The following ADK variants were observed in gnomAD, a reference collection of about 807,000 sequenced individuals.
The protein encoded by ADK is N6,N6-dimethyladenosine kinase.
A neutral mutation model predicts 44.7 loss-of-function variants in ADK; 24 were observed. The ratio of observed to expected loss-of-function variants is 0.54; its 90% CI spans 0.39 to 0.76. The LOEUF (loss-of-function observed/expected upper bound fraction) is 0.76, where lower values mean the gene tolerates loss of function less well. Ranked by LOEUF, ADK falls within the 30% of genes least tolerant of loss-of-function variation. The probability of loss-of-function intolerance (pLI) is 0.00; values close to 1 mark genes in which losing one functional copy is unlikely to be tolerated. For missense variants in ADK, 321 were observed against 425.1 expected, an observed-to-expected ratio of 0.76 and a Z score of 2.15; for synonymous variants, 128 against 142.6, an observed-to-expected ratio of 0.90 and a Z score of 0.73.
At chr10:74,308,428 G>T (rs1307621754) in intron 3 of ADK, among the ~76,000 whole-genome samples, 1 of 152,064 alleles carries the variant, frequency 6.6e-6, no homozygotes, top group Non-Finnish European at 1.5e-5. Context: ...TGTTATTTTG[G>T]CTTTTAGCAA....
At chr10:74,578,324 TTAATA>T (rs1281920647) in intron 7 of ADK, among the ~76,000 whole-genome samples, 2 of 152,220 alleles carry the variant, frequency 1.3e-5, no homozygotes, top group Non-Finnish European at 2.9e-5. Flanking sequence ...TGCCTTTTTA[TTAATA>T]TAAGTTATTT....
intron 3 of ADK, among the ~76,000 whole-genome samples, chr10:74,228,501 A>AT (rs1165400254): frequency 6.6e-6 from 1 of 152,118 alleles, no homozygotes; most frequent in East Asian, 1.9e-4. Context: ...TTTACTAAGT[A>AT]TTTTTTCACC....
At chr10:74,226,594 C>G (rs1564605268) in intron 3 of ADK, among the ~76,000 whole-genome samples, 5 of 151,618 alleles carry the variant, frequency 3.3e-5, no homozygotes, top group Admixed American at 2.6e-4. Context: ...ATGCTTCTCT[C>G]TAAATATTTC....
chr10:74,412,081 C>T (rs1438835885), intron 6 of ADK, among the ~76,000 whole-genome samples: 1 of 152,180 alleles, frequency 6.6e-6, no homozygotes, highest in Admixed American at 6.5e-5. Flanking sequence ...TTGACTTCTT[C>T]CACTGAAGTC....
chr10:74,366,614 A>G (rs1290891073), intron 4 of ADK, among the ~76,000 whole-genome samples: 1 of 152,298 alleles, frequency 6.6e-6, no homozygotes, highest in East Asian at 1.9e-4. Flanking sequence ...GAACCAAAAA[A>G]AAATTATAAA....
chr10:74,356,180 G>A (rs534696287), intron 4 of ADK, among the ~76,000 whole-genome samples: 1 of 149,690 alleles, frequency 6.7e-6, no homozygotes, highest in Non-Finnish European at 1.5e-5. Context: ...CACCGCGCCC[G>A]GCTAATTTTT....
intron 6 of ADK, among the ~76,000 whole-genome samples, chr10:74,465,882 T>G (rs1846336557): frequency 6.6e-6 from 1 of 151,974 alleles, no homozygotes; most frequent in Non-Finnish European, 1.5e-5. Context: ...AATTTAATAA[T>G]TTTTTTGTCT....
Position 74,200,826 on chromosome 10 carries a change from ATTTCCT to A in ADK, c.130_135del (p.Phe44_Leu45del). On this transcript the variant is annotated inframe_deletion, in exon 2 of 11. Transcript: ENST00000539909. ...GACATCTCTGCTGTAGTGGACAAAG[ATTTCCT>A]TGATAAGTAAGTATTAAACTCTTCA... 6.2e-7 allele frequency: 1 copy of A among 1,603,516 alleles called. No individual in the cohort carries two copies. Among genetic ancestry groups the A allele is most frequent in the Non-Finnish European group, 8.5e-7 (1 of 1,170,874 alleles).
At chr10:74,283,192 T>C (rs774863531) in intron 3 of ADK, among the ~76,000 whole-genome samples, 1 of 152,156 alleles carries the variant, frequency 6.6e-6, no homozygotes, top group Non-Finnish European at 1.5e-5. Flanking sequence ...CTAATACTAA[T>C]TACCACACTT....
chr10:74,609,485 A>G (rs1045562276), intron 9 of ADK, among the ~76,000 whole-genome samples: 3 of 152,102 alleles, frequency 2.0e-5, no homozygotes, highest in Non-Finnish European at 4.4e-5. Context: ...TCCCTTGACT[A>G]GGGGAGGGAG....
intron 4 of ADK, among the ~76,000 whole-genome samples, chr10:74,330,759 C>T (rs1443998216): frequency 6.6e-6 from 1 of 152,156 alleles, no homozygotes; most frequent in East Asian, 1.9e-4. Flanking sequence ...TGAGTGCAGC[C>T]AGCTCCAGTC....
intron 9 of ADK, among the ~76,000 whole-genome samples, chr10:74,651,544 G>A (rs1854274783): frequency 6.6e-6 from 1 of 152,112 alleles, no homozygotes; most frequent in African/African-American, 2.4e-5. Context: ...AACAGATCCT[G>A]ATGCTGCAAA....
At chr10:74,408,262 G>C (rs533825850) in intron 6 of ADK, among the ~76,000 whole-genome samples, 1 of 151,706 alleles carries the variant, frequency 6.6e-6, no homozygotes, top group African/African-American at 2.4e-5. Context: ...CAATGTGCTG[G>C]TATTACAGGC....
rs373728004 is a variant in ADK, at chr10:74,208,526, T to C, written c.140+7688T>C. Among the ~76,000 whole-genome samples the C allele has an allele frequency of 7.9e-5, 12 of 152,362 alleles. No homozygotes were observed. The East Asian group carries it at 2.3e-3, about 29-fold the overall frequency. On this transcript the variant is annotated intron_variant, in intron 2 of 10. Transcript: ENST00000539909. ...GAAGGTTTTAATCTTTAACTTTGAT[T>C]TTCAAATAAGTACTTGAAGATAAAA... is the stretch of plus-strand genomic sequence containing the variant.
At chr10:74,523,009 T>C (rs755428655) in intron 6 of ADK, among the ~76,000 whole-genome samples, 1 of 152,182 alleles carries the variant, frequency 6.6e-6, no homozygotes, top group Non-Finnish European at 1.5e-5. Context: ...TTCCTCCTCT[T>C]ATTATCTGCT....
chr10:74,568,173 C>T (rs528703154), intron 7 of ADK, among the ~76,000 whole-genome samples: 3 of 152,180 alleles, frequency 2.0e-5, no homozygotes, highest in Admixed American at 6.5e-5. Flanking sequence ...TTTAGCTCAT[C>T]AGCTGTTGTT....
chr10:74,294,486 C>T (rs1409363134), intron 3 of ADK, among the ~76,000 whole-genome samples: 3 of 152,230 alleles, frequency 2.0e-5, no homozygotes, highest in East Asian at 3.9e-4. Flanking sequence ...GGGGTTTCAC[C>T]GTGTTGGCCA....
At chr10:74,557,011 C>G (rs1158886196) in intron 7 of ADK, among the ~76,000 whole-genome samples, 3 of 152,188 alleles carry the variant, frequency 2.0e-5, no homozygotes, top group Non-Finnish European at 4.4e-5. Context: ...ATGGTGCTAA[C>G]TCTTTCTAAC....
At chr10:74,208,210 G>C (rs1843674834) in intron 2 of ADK, among the ~76,000 whole-genome samples, 1 of 152,254 alleles carries the variant, frequency 6.6e-6, no homozygotes, top group South Asian at 2.1e-4. Context: ...GGATACCTGG[G>C]TCCACAGCCA....
Sources: gnomAD v4.1 joint callset for allele counts (sites outside exome capture counted in the v4.1 genomes callset) on GRCh38, gnomAD v4.1.1 for gene constraint, MANE v1.5 for transcripts, NCBI Gene and HGNC (gene_info 2026-07-23, HGNC 2026-07-21) for gene names.